The following IFT74 variants were observed in gnomAD, a reference collection of about 807,000 sequenced individuals.
IFT74 encodes the protein intraflagellar transport 74.
In IFT74, 92 loss-of-function variants were observed where a neutral mutation model predicts 96.7. The observed-to-expected ratio is 0.95, with a 90% CI of 0.80 to 1.13. The LOEUF (loss-of-function observed/expected upper bound fraction) is 1.13, where lower values mean the gene tolerates loss of function less well. IFT74 is among the 50% of genes most tolerant of loss of function. The pLI is 0.00. For missense variants in IFT74, 811 were observed against 698.2 expected, an observed-to-expected ratio of 1.16 and a Z score of -1.82; for synonymous variants, 223 against 213.2, an observed-to-expected ratio of 1.05 and a Z score of -0.40.
intron 7 of IFT74, among the ~76,000 whole-genome samples, chr9:26,989,856 G>A (rs997806260): frequency 1.3e-5 from 2 of 152,040 alleles, no homozygotes; most frequent in African/African-American, 2.4e-5. Flanking sequence ...TTTGAATGCT[G>A]TTTACATAAA....
chr9:27,002,435 A>T (rs1352628978), intron 8 of IFT74, among the ~76,000 whole-genome samples: 2 of 152,240 alleles, frequency 1.3e-5, no homozygotes, highest in Non-Finnish European at 2.9e-5. Context: ...TTGAGGTCTT[A>T]TTAAAGTCTT....
chr9:27,007,710 G>A (rs1174264920), intron 8 of IFT74, among the ~76,000 whole-genome samples: 1 of 152,106 alleles, frequency 6.6e-6, no homozygotes, highest in Non-Finnish European at 1.5e-5. Context: ...GGGGATATGT[G>A]GATCCACAAG....
chr9:27,020,136 C>T (rs964043814), intron 12 of IFT74, among the ~76,000 whole-genome samples: 30 of 151,650 alleles, frequency 2.0e-4, no homozygotes, highest in African/African-American at 6.1e-4. Flanking sequence ...GCACCATACC[C>T]GGCTAAGATT....
intron 12 of IFT74, among the ~76,000 whole-genome samples, chr9:27,021,919 G>T (rs1455967862): frequency 6.6e-6 from 1 of 152,162 alleles, no homozygotes; most frequent in African/African-American, 2.4e-5. Flanking sequence ...CCGATGTCTA[G>T]AAGAGTTTTT....
chr9:27,053,616 G>T (rs1326613642), intron 16 of IFT74, among the ~76,000 whole-genome samples: 2 of 152,136 alleles, frequency 1.3e-5, no homozygotes, highest in South Asian at 2.1e-4. Flanking sequence ...TCCTCTTCCT[G>T]TCTCTTCCCT....
At chr9:27,041,918 G>A (rs917002564) in intron 13 of IFT74, among the ~76,000 whole-genome samples, 2 of 152,122 alleles carry the variant, frequency 1.3e-5, no homozygotes, top group African/African-American at 4.8e-5. Flanking sequence ...TAGGAGCTCT[G>A]TCCCATCTAA....
chr9:26,964,858 A>C (rs1333302510), intron 2 of IFT74, among the ~76,000 whole-genome samples: 1 of 152,208 alleles, frequency 6.6e-6, no homozygotes, highest in African/African-American at 2.4e-5. Context: ...AAACTCTAGT[A>C]AATGTTAAAG....
chr9:27,009,703 T>C (rs1828957173), intron 9 of IFT74, among the ~76,000 whole-genome samples: 1 of 151,854 alleles, frequency 6.6e-6, no homozygotes, highest in South Asian at 2.1e-4. Flanking sequence ...ACCAGATCCA[T>C]ATATATATTT....
At chr9:27,016,099 C>G (rs1829330017) in intron 10 of IFT74, among the ~76,000 whole-genome samples, 1 of 152,120 alleles carries the variant, frequency 6.6e-6, no homozygotes, top group South Asian at 2.1e-4. Context: ...TTAAAAGAAA[C>G]ACAAATTTTC....
At chr9:26,950,855 A>G (rs529776393) in intron 1 of IFT74, among the ~76,000 whole-genome samples, 1 of 152,402 alleles carries the variant, frequency 6.6e-6, no homozygotes, top group Non-Finnish European at 1.5e-5. Flanking sequence ...TGAAATAACT[A>G]TTTTAATGTC....
At chr9:27,062,021 C>T (rs371216877) in intron 19 of IFT74, among the ~76,000 whole-genome samples, 1 of 152,176 alleles carries the variant, frequency 6.6e-6, no homozygotes. Context: ...AGAACTAGAT[C>T]CTGACTCAGT....
In IFT74 at chr9:26,984,424, ATTG is replaced by A. The variant is rs1394603251; in HGVS notation, c.404+72_405-70del. 39 of 1,579,772 alleles carry A rather than the reference ATTG, an allele frequency of 2.5e-5. No individual in the cohort carries two copies. The Admixed American group carries it at 3.2e-4, about 13-fold the overall frequency. ...TAATACTAACTTTGTAGCTATCCAT[ATTG>A]TTTGTAATGTTCATTTTCTTATGTA... is the stretch of plus-strand genomic sequence containing the variant. On this transcript the variant is annotated intron_variant, in intron 5 of 19. Coordinates refer to ENST00000380062, the MANE Select transcript of IFT74 (RefSeq NM_025103.4).
upstream of IFT74, among the ~76,000 whole-genome samples, chr9:26,953,263 C>T (rs1387394992): frequency 6.6e-6 from 1 of 152,162 alleles, no homozygotes; most frequent in African/African-American, 2.4e-5. Context: ...TAGTCAGCCT[C>T]TGCAATATCA....
intron 12 of IFT74, 42 bp downstream of exon 12, chr9:27,018,729 C>T: frequency 3.2e-6 from 4 of 1,258,262 alleles, no homozygotes; most frequent in Non-Finnish European, 4.5e-6. Flanking sequence ...CCATTTCTCA[C>T]TTTAAAAATT....
intron 16 of IFT74, among the ~76,000 whole-genome samples, chr9:27,054,729 A>G (rs1355466519): frequency 1.3e-5 from 2 of 152,192 alleles, no homozygotes; most frequent in Non-Finnish European, 1.5e-5. Flanking sequence ...GCACATTGCC[A>G]ACAGAAGTTG....
At chr9:26,972,476 A>G (rs979154314) in intron 2 of IFT74, among the ~76,000 whole-genome samples, 4 of 152,170 alleles carry the variant, frequency 2.6e-5, no homozygotes, top group African/African-American at 9.7e-5. Flanking sequence ...TCCTAAAGCT[A>G]CCCTGTCATT....
At chr9:27,059,661 A>G (rs532261507) in intron 18 of IFT74, among the ~76,000 whole-genome samples, 6 of 152,252 alleles carry the variant, frequency 3.9e-5, no homozygotes, top group Non-Finnish European at 8.8e-5. Context: ...AGCTCACAGC[A>G]CATACAGTTC....
rs1285255829 is a variant in IFT74 at position 27,047,345 on chromosome 9, G to C, written c.1180G>C (p.Val394Leu). 1 of 1,612,484 alleles carries C rather than the reference G, an allele frequency of 6.2e-7. No homozygotes were observed. The highest frequency in any genetic ancestry group is 1.3e-5 in the African/African-American group (1 of 74,868). The change falls in exon 15 of 20, where the codon GTT becomes CTT. Residue 394 changes from valine to leucine, a missense_variant. Coordinates refer to ENST00000380062, the MANE Select transcript of IFT74 (RefSeq NM_025103.4). The part of the protein sequence containing the change: ...KRKAQIEANI[V>L]ALLEHCSRNI... ...AAAGGCACAGATAGAAGCCAACATT[G>C]TTGCACTCTTGGAGCACTGCAGTCG...
chr9:27,018,169 G>GAT (rs1457364142), intron 11 of IFT74, among the ~76,000 whole-genome samples: 1 of 152,024 alleles, frequency 6.6e-6, no homozygotes, highest in African/African-American at 2.4e-5. Flanking sequence ...TAATCTTTCA[G>GAT]ATATATATAT....
Sources: gnomAD v4.1 joint callset for allele counts (sites outside exome capture counted in the v4.1 genomes callset) on GRCh38, gnomAD v4.1.1 for gene constraint, MANE v1.5 for transcripts, NCBI Gene and HGNC (gene_info 2026-07-23, HGNC 2026-07-21) for gene names.